C10orf90: variants seen among roughly 807,000 people sequenced by gnomAD.
The protein encoded by C10orf90 is chromosome 10 open reading frame 90.
A neutral mutation model predicts 62.5 loss-of-function variants in C10orf90; 56 were observed. The ratio of observed to expected loss-of-function variants is 0.90; its 90% CI spans 0.72 to 1.12. The LOEUF (loss-of-function observed/expected upper bound fraction) is 1.12, where lower values mean the gene tolerates loss of function less well. Ranked by LOEUF, C10orf90 falls within the 50% of genes most tolerant of loss-of-function variation. The probability of loss-of-function intolerance (pLI) is 0.00; values close to 1 mark genes in which losing one functional copy is unlikely to be tolerated. For missense variants in C10orf90, 970 were observed against 880.4 expected, an observed-to-expected ratio of 1.10 and a Z score of -1.29; for synonymous variants, 386 against 340.4, an observed-to-expected ratio of 1.13 and a Z score of -1.47.
At chr10:126,620,780 A>T (rs1453767076) in intron 2 of C10orf90, among the ~76,000 whole-genome samples, 3 of 151,392 alleles carry the variant, frequency 2.0e-5, no homozygotes, top group African/African-American at 7.3e-5. Context: ...ACTGCTATTC[A>T]TTTGTTTTCA....
chr10:126,615,955 C>A (rs1308889878), intron 2 of C10orf90, among the ~76,000 whole-genome samples: 5 of 152,228 alleles, frequency 3.3e-5, no homozygotes, highest in African/African-American at 1.2e-4. Context: ...TCACTGGTGT[C>A]CAAGGTCTAG....
intron 2 of C10orf90, among the ~76,000 whole-genome samples, chr10:126,638,070 C>T (rs1402728798): frequency 1.3e-5 from 2 of 152,172 alleles, no homozygotes; most frequent in African/African-American, 2.4e-5. Flanking sequence ...TGGCTGACAA[C>T]AGCGGTGTCG....
At chr10:126,493,941 C>A (rs1156569508) in intron 4 of C10orf90, among the ~76,000 whole-genome samples, 1 of 152,222 alleles carries the variant, frequency 6.6e-6, no homozygotes, top group African/African-American at 2.4e-5. Context: ...CCACCCCTCC[C>A]CAGCTCCGCT....
intron 2 of C10orf90, among the ~76,000 whole-genome samples, chr10:126,584,486 G>T (rs1344756686): frequency 6.6e-6 from 1 of 152,078 alleles, no homozygotes; most frequent in East Asian, 1.9e-4. Context: ...CTGTTCAACA[G>T]GCACCATGAG....
In C10orf90 at chr10:126,640,862, T is replaced by C. The variant is rs74158856; in HGVS notation, c.313+5703A>G. Among the ~76,000 whole-genome samples the C allele has an allele frequency of 3.6e-3, 543 of 152,344 alleles. 4 individuals are homozygous for C. Among genetic ancestry groups the C allele is most frequent in the African/African-American group, 0.013 (531 of 41,578 alleles). Reference sequence around the variant, plus strand: ...GCCAAGGAGCTTATATTTTGTCCTCTGGGGACTGATGTGATTTTTGATTGG... The same window carrying C: ...GCCAAGGAGCTTATATTTTGTCCTCCGGGGACTGATGTGATTTTTGATTGG... On this transcript the variant is annotated intron_variant, in intron 2 of 9. Coordinates refer to ENST00000488181, the MANE Select transcript of C10orf90 (RefSeq NM_001350921.2).
chr10:126,525,553 G>C (rs1305574318), intron 2 of C10orf90, among the ~76,000 whole-genome samples: 1 of 152,108 alleles, frequency 6.6e-6, no homozygotes, highest in Non-Finnish European at 1.5e-5. Context: ...AATGAGGTTG[G>C]GGCAGCATGT....
At chr10:126,621,604 GTTGA>G (rs1845645075) in intron 2 of C10orf90, among the ~76,000 whole-genome samples, 1 of 152,106 alleles carries the variant, frequency 6.6e-6, no homozygotes, top group African/African-American at 2.4e-5. Context: ...ATTAATAAAT[GTTGA>G]TTGTTTATTA....
chr10:126,653,383 T>C (rs899267910), intron 1 of C10orf90, among the ~76,000 whole-genome samples: 2 of 152,262 alleles, frequency 1.3e-5, no homozygotes, highest in African/African-American at 4.8e-5. Context: ...TCTAAGTTGT[T>C]TGTTGTCATT....
rs1456058818 is a variant in C10orf90 at position 126,502,422 on chromosome 10, A to G, written c.1534+1535T>C. On this transcript the variant is annotated intron_variant, in intron 4 of 9. Transcript: ENST00000488181. ...GGCCTGCAGGATGCAGAATAAATTTATACTATTTGCCTAAGATAATCCCTT... is the reference window on the plus strand; with the variant it reads ...GGCCTGCAGGATGCAGAATAAATTTGTACTATTTGCCTAAGATAATCCCTT... 4.6e-5 allele frequency among the ~76,000 whole-genome samples: 7 copies of G among 152,190 alleles called. No individual in the cohort carries two copies. In the South Asian group the frequency reaches 1.2e-3, roughly 27 times the overall value.
intron 3 of C10orf90, among the ~76,000 whole-genome samples, chr10:126,505,409 C>T (rs979100979): frequency 6.6e-6 from 1 of 152,154 alleles, no homozygotes; most frequent in Non-Finnish European, 1.5e-5. Flanking sequence ...GCCCAGGAAC[C>T]CCTGAATACA....
rs866016608 is a variant in C10orf90 at position 126,565,256 on chromosome 10, T to C, written c.314-51317A>G. Among the ~76,000 whole-genome samples, 29 of 23,892 alleles carry C rather than the reference T, an allele frequency of 1.2e-3. 1 individual carries two copies. Among genetic ancestry groups the C allele is most frequent in the African/African-American group, 7.3e-3 (29 of 3,968 alleles). The allele number at this position is 23,892 out of a possible 152,430, so 15.7% of individuals were successfully genotyped here. ...TTATGTAATATAATATTTATTATAT[T>C]ATATATTTATATTATATATTATATT... On this transcript the variant is annotated intron_variant, in intron 2 of 9. Transcript: ENST00000488181.
intron 1 of C10orf90, among the ~76,000 whole-genome samples, chr10:126,659,054 C>T (rs557579981): frequency 1.9e-4 from 29 of 152,280 alleles, no homozygotes; most frequent in African/African-American, 5.8e-4. Context: ...AGTGGCTGCA[C>T]GCATTGGGAA....
At chr10:126,594,391 G>C (rs1037242706) in intron 2 of C10orf90, among the ~76,000 whole-genome samples, 5 of 152,082 alleles carry the variant, frequency 3.3e-5, no homozygotes, top group Admixed American at 1.3e-4. Flanking sequence ...CTCTGGGGAG[G>C]GAGTTTGGAT....
intron 2 of C10orf90, among the ~76,000 whole-genome samples, chr10:126,517,781 G>T (rs998823219): frequency 6.6e-6 from 1 of 151,918 alleles, no homozygotes; most frequent in East Asian, 1.9e-4. Context: ...ATGATGGTGT[G>T]CATCTGTATT....
chr10:126,464,432 G>A (rs541857819), intron 5 of C10orf90, among the ~76,000 whole-genome samples: 4 of 152,210 alleles, frequency 2.6e-5, no homozygotes, highest in South Asian at 4.2e-4. Context: ...TGTGCACCTG[G>A]GTGTGGTCTT....
chr10:126,626,265 C>T (rs1225343759), intron 2 of C10orf90, among the ~76,000 whole-genome samples: 1 of 152,134 alleles, frequency 6.6e-6, no homozygotes, highest in Non-Finnish European at 1.5e-5. Flanking sequence ...ACTGCTCTGT[C>T]CACCCCCTCA....
intron 2 of C10orf90, among the ~76,000 whole-genome samples, chr10:126,577,676 C>A (rs540059902): frequency 6.6e-6 from 1 of 152,168 alleles, no homozygotes; most frequent in African/African-American, 2.4e-5. Context: ...AACTGGTTTT[C>A]AAATTCAGGT....
At chr10:126,458,149 C>T (rs1451400347) in intron 7 of C10orf90, among the ~76,000 whole-genome samples, 4 of 152,086 alleles carry the variant, frequency 2.6e-5, no homozygotes, top group African/African-American at 7.2e-5. Flanking sequence ...TTTCCTCAGT[C>T]CCCCAGGCAC....
intron 2 of C10orf90, among the ~76,000 whole-genome samples, chr10:126,587,516 C>A (rs973485018): frequency 1.3e-5 from 2 of 152,248 alleles, no homozygotes; most frequent in Non-Finnish European, 2.9e-5. Flanking sequence ...CATAAGGATA[C>A]TAATCTCATC....
Sources: allele counts gnomAD v4.1 joint callset (sites outside exome capture counted in the v4.1 genomes callset), GRCh38; gene constraint gnomAD v4.1.1; transcripts MANE v1.5; gene names NCBI Gene and HGNC (gene_info 2026-07-23, HGNC 2026-07-21).